TTYH2: variants seen among roughly 807,000 people sequenced by gnomAD.
TTYH2 encodes tweety family member 2, also known as protein tweety homolog 2.
Under a neutral mutation model 68.3 loss-of-function variants are expected in TTYH2, and 49 were observed. The ratio of observed to expected loss-of-function variants is 0.72; its 90% CI spans 0.57 to 0.91. The LOEUF is 0.91. TTYH2 is among the 40% of genes least tolerant of loss of function. TTYH2 has a pLI of 0.00. For missense variants in TTYH2, 631 were observed against 700.4 expected, an observed-to-expected ratio of 0.90 and a Z score of 1.12; for synonymous variants, 272 against 300.8, an observed-to-expected ratio of 0.90 and a Z score of 0.99.
In TTYH2 at chr17:74,241,261, ACGTGTG is replaced by A. The variant is rs1384834390; in HGVS notation, c.636-2112_636-2107del. ...CATAGACAGACCCGGTATTTATAATACGTGTGTGTGTGTGTGTGTGTGTGTGTGTGT... is the reference window on the plus strand; with the variant it reads ...CATAGACAGACCCGGTATTTATAATATGTGTGTGTGTGTGTGTGTGTGTGT... On this transcript the variant is annotated intron_variant, in intron 4 of 13. Coordinates refer to ENST00000269346, the MANE Select transcript of TTYH2 (RefSeq NM_032646.6). The surrounding 1 kb of genome is among the most constrained non-coding windows in gnomAD (Gnocchi z 4.1). Among the ~76,000 whole-genome samples, 1 of 125,582 alleles carries A rather than the reference ACGTGTG, an allele frequency of 8.0e-6. No individual in the cohort carries two copies. Among genetic ancestry groups the A allele is most frequent in the African/African-American group, 3.5e-5 (1 of 28,728 alleles). 82.4% of individuals were successfully genotyped at this position (125,582 alleles called of 152,430 possible). A position where few individuals can be genotyped will look rare whatever the true frequency, so the allele number is the denominator to read the frequency against.
At position 74,213,572 on chromosome 17, in the gene TTYH2, G is replaced by A. The variant is rs2050191905; in HGVS notation, c.-16G>A. ...GCAGCTGTCGTTCAGCTTGTGGGTA[G>A]CACTCGGGCCGAGCCATGCAGGCGG... is the stretch of plus-strand genomic sequence containing the variant. On this transcript the variant is annotated 5_prime_UTR_variant, in exon 1 of 14. Coordinates refer to ENST00000269346, the MANE Select transcript of TTYH2 (RefSeq NM_032646.6). The surrounding 1 kb of genome is among the most constrained non-coding windows in gnomAD (Gnocchi z 6.1). 6.2e-7 allele frequency: 1 copy of A among 1,606,410 alleles called. No homozygotes were observed. The highest frequency in any genetic ancestry group is 2.3e-5 in the East Asian group (1 of 44,418).
chr17:74,251,803 C>T (rs2050632608), intron 10 of TTYH2: 1 of 176,146 alleles, frequency 5.7e-6, no homozygotes, highest in South Asian at 1.4e-4. Context: ...GTACTCCTCT[C>T]CCGCATTGCA....
rs538849761 is a variant in TTYH2 at position 74,243,357 on chromosome 17, C to T, written c.636-17C>T. ...TTCCACCCTGCTGCTCCTGACCATC[C>T]CTGCCCCTCTACCCAGGTGGCTCTC... On this transcript the variant is annotated splice_polypyrimidine_tract_variant and intron_variant, in intron 4 of 13. Coordinates refer to ENST00000269346, the MANE Select transcript of TTYH2 (RefSeq NM_032646.6). The T allele has an allele frequency of 1.5e-4, 248 of 1,610,654 alleles. 1 individual carries two copies. The South Asian group carries it at 2.6e-3, about 17-fold the overall frequency.
chr17:74,252,981 G>A, intron 11 of TTYH2, 100 bp from the exon 12 acceptor site: 2 of 1,304,934 alleles, frequency 1.5e-6, no homozygotes, highest in Non-Finnish European at 2.2e-6. Flanking sequence ...CGCGTGGCCA[G>A]AGAGTCCTGG....
intron 2 of TTYH2, among the ~76,000 whole-genome samples, chr17:74,227,470 C>T (rs2050341871): frequency 6.6e-6 from 1 of 152,176 alleles, no homozygotes; most frequent in Non-Finnish European, 1.5e-5. Context: ...GAGCACAATA[C>T]AATTGGTTCA....
At chr17:74,251,309 G>C (rs2050624768) in intron 10 of TTYH2, among the ~76,000 whole-genome samples, 1 of 149,984 alleles carries the variant, frequency 6.7e-6, no homozygotes, top group Admixed American at 6.7e-5. Context: ...GTGCATGTGT[G>C]TTGTGTGCAC....
At chr17:74,219,965 T>G (rs2143715282) in intron 1 of TTYH2, among the ~76,000 whole-genome samples, 2 of 146,424 alleles carry the variant, frequency 1.4e-5, no homozygotes, top group Admixed American at 1.3e-4. Flanking sequence ...ATTTGCAATT[T>G]TTTTTTTTTT....
intron 10 of TTYH2, 162 bp from the exon 11 acceptor site, chr17:74,252,072 C>A (rs2050636445): frequency 1.2e-6 from 1 of 824,030 alleles, no homozygotes; most frequent in East Asian, 2.5e-5. Flanking sequence ...GTGTTAGGCT[C>A]CAGAGTGTGG....
intron 10 of TTYH2, among the ~76,000 whole-genome samples, chr17:74,251,030 ATGTGTGTGTGCACGTGCGTGTGTCTG>A (rs1327346751): frequency 1.3e-5 from 2 of 151,758 alleles, no homozygotes; most frequent in South Asian, 2.1e-4. Context: ...AGATACAGCT[ATGTGTGTGTGCACGTGCGTGTGTCTG>A]TGTGTGTGTG....
chr17:74,220,695 T>G (rs1201685630), intron 1 of TTYH2, among the ~76,000 whole-genome samples: 1 of 151,620 alleles, frequency 6.6e-6, no homozygotes, highest in East Asian at 1.9e-4. Flanking sequence ...GTGGTCCAGG[T>G]GGGGAGAGCC....
At chr17:74,220,668 A>G (rs1022962896) in intron 1 of TTYH2, among the ~76,000 whole-genome samples, 2 of 152,228 alleles carry the variant, frequency 1.3e-5, no homozygotes, top group East Asian at 3.9e-4. Flanking sequence ...AGTCCCGGGG[A>G]CAGGCCATGC....
chr17:74,252,832 G>A (rs1363031910), intron 11 of TTYH2, among the ~76,000 whole-genome samples: 1 of 152,188 alleles, frequency 6.6e-6, no homozygotes, highest in Non-Finnish European at 1.5e-5. Context: ...GCAAGAGGAC[G>A]CAGGGTAGTG....
rs1055460396 is a variant in TTYH2 at position 74,233,509 on chromosome 17, T to G, written c.414+2510T>G. On this transcript the variant is annotated intron_variant, in intron 3 of 13. Coordinates refer to ENST00000269346, the MANE Select transcript of TTYH2 (RefSeq NM_032646.6). ...CGGGAGGCTGGGATCCAGGACGCTG[T>G]GGGCGGCAGAGGCAGATGGGGGACT... 2.6e-5 allele frequency among the ~76,000 whole-genome samples: 4 copies of G among 152,160 alleles called. No individual in the cohort carries two copies. In the East Asian group the frequency reaches 7.7e-4, roughly 29 times the overall value.
Position 74,260,301 on chromosome 17 carries a change from T to C in TTYH2, c.*92T>C. The C allele has an allele frequency of 7.3e-7, 1 of 1,374,824 alleles. No individual in the cohort carries two copies. Among genetic ancestry groups the C allele is most frequent in the Non-Finnish European group, 1.0e-6 (1 of 975,488 alleles). The allele number at this position is 1,374,824 out of a possible 1,614,324, so 85.2% of individuals were successfully genotyped here. Reference sequence around the variant, plus strand: ...GTTTCTTTAATAGAAACCAAAGGCATCTGGAGCCCGAGAGGCCTCCTGCTG... The same window carrying C: ...GTTTCTTTAATAGAAACCAAAGGCACCTGGAGCCCGAGAGGCCTCCTGCTG... On this transcript the variant is annotated 3_prime_UTR_variant, in exon 14 of 14. Transcript: ENST00000269346.
chr17:74,229,324 C>A (rs1176777215), intron 2 of TTYH2, among the ~76,000 whole-genome samples: 1 of 152,172 alleles, frequency 6.6e-6, no homozygotes, highest in Non-Finnish European at 1.5e-5. Context: ...AGGCCCTCCC[C>A]AGATCTACTG....
rs189749276 is a variant in TTYH2, at chr17:74,232,493, G to A, written c.414+1494G>A. 6.6e-5 allele frequency among the ~76,000 whole-genome samples: 10 copies of A among 152,324 alleles called. No homozygotes were observed. The highest frequency in any genetic ancestry group is 5.9e-4 in the Admixed American group (9 of 15,308). On this transcript the variant is annotated intron_variant, in intron 3 of 13. Transcript: ENST00000269346. This position sits in a 1 kb window ranked among gnomAD's most constrained non-coding sequence, Gnocchi z 5.1. ...ACAGCCTTGCGCGGTGAGCTGGGGC[G>A]GCTGGGTTGGAGGAGCTGAGGGACA...
At chr17:74,259,029 A>G (rs2050720610) in intron 13 of TTYH2, among the ~76,000 whole-genome samples, 1 of 152,028 alleles carries the variant, frequency 6.6e-6, no homozygotes, top group Admixed American at 6.6e-5. Context: ...ATCCCCAGGT[A>G]GCCTGTGTGC....
In TTYH2 at chr17:74,237,452, G is replaced by A. The variant is rs1183496138; in HGVS notation, c.573G>A (p.Trp191Ter). The stretch of plus-strand genomic sequence containing the variant: ...TTCAGCTCTCAGGACTGCCCGTGTG[G>A]AGGGAGGTCACCATGGAGCTGACCA... ...VVVQLSGLPV[W>*]REVTMELTKL... Residue 191 changes from tryptophan (W) to a stop codon, truncating the protein, a stop_gained, in exon 4 of 14, where the codon TGG becomes TGA. Coordinates refer to ENST00000269346, the MANE Select transcript of TTYH2 (RefSeq NM_032646.6). LOFTEE classifies it high-confidence loss of function. The A allele has an allele frequency of 2.5e-6, 4 of 1,613,992 alleles. No individual in the cohort carries two copies. Among genetic ancestry groups the A allele is most frequent in the Non-Finnish European group, 3.4e-6 (4 of 1,180,024 alleles).
At chr17:74,226,368 G>T (rs1567811779) in intron 2 of TTYH2, among the ~76,000 whole-genome samples, 1 of 151,900 alleles carries the variant, frequency 6.6e-6, no homozygotes, top group Non-Finnish European at 1.5e-5. Context: ...CACAAGGAAG[G>T]GCTGGGAATG....
Sources: allele counts gnomAD v4.1 joint callset (sites outside exome capture counted in the v4.1 genomes callset), GRCh38; gene constraint gnomAD v4.1.1; non-coding constraint Gnocchi (gnomAD v3.1); transcripts MANE v1.5; gene names NCBI Gene and HGNC (gene_info 2026-07-23, HGNC 2026-07-21).